The following NSMCE1 variants were observed in gnomAD, a reference collection of about 807,000 sequenced individuals.
NSMCE1 encodes the protein NSE1 component of SMC5/6 complex, also known as non-structural maintenance of chromosomes element 1 homolog.
Under a neutral mutation model 29.6 loss-of-function variants are expected in NSMCE1, and 18 were observed. That is an observed-to-expected ratio of 0.61 (90% CI 0.42 to 0.90). The LOEUF (loss-of-function observed/expected upper bound fraction) is 0.90. Among genes scored for constraint, NSMCE1 ranks in the 40% least tolerant of loss-of-function variants. The pLI, the probability that NSMCE1 is intolerant of heterozygous loss-of-function variation, is 0.00. For synonymous variants in NSMCE1, 124 were observed against 133.4 expected (o/e 0.93, Z 0.49); for missense variants, 314 against 343.6 (o/e 0.91, Z 0.68).
intron 1 of NSMCE1, among the ~76,000 whole-genome samples, chr16:27,261,911 A>G (rs1407425703): frequency 3.3e-5 from 5 of 152,234 alleles, no homozygotes; most frequent in Non-Finnish European, 7.3e-5. Flanking sequence ...AAATCAATCA[A>G]TGTGAGTCAC....
chr16:27,267,504 A>T (rs1179019244), intron 1 of NSMCE1, among the ~76,000 whole-genome samples: 1 of 152,136 alleles, frequency 6.6e-6, no homozygotes, highest in African/African-American at 2.4e-5. Context: ...GTTTTCAAGG[A>T]CACTCTCTAT....
intron 2 of NSMCE1, among the ~76,000 whole-genome samples, chr16:27,256,022 T>C (rs1262581827): frequency 9.2e-5 from 14 of 152,328 alleles, no homozygotes; most frequent in African/African-American, 3.4e-4. Context: ...CACAGCTCAC[T>C]GCAAGGAGCT....
intron 1 of NSMCE1, among the ~76,000 whole-genome samples, chr16:27,267,360 A>G (rs2084237205): frequency 6.6e-6 from 1 of 152,182 alleles, no homozygotes; most frequent in Non-Finnish European, 1.5e-5. Flanking sequence ...ATTTAACCCA[A>G]ACCAGAACAA....
At chr16:27,259,995 G>A (rs1447497327) in intron 1 of NSMCE1, among the ~76,000 whole-genome samples, 1 of 152,140 alleles carries the variant, frequency 6.6e-6, no homozygotes, top group Non-Finnish European at 1.5e-5. Context: ...TGACCAGCAG[G>A]TGCTCCCTAA....
intron 2 of NSMCE1, among the ~76,000 whole-genome samples, chr16:27,251,210 A>AAATATATATATATAT (rs2084032204): frequency 7.6e-6 from 1 of 131,190 alleles, no homozygotes; most frequent in African/African-American, 3.0e-5. Flanking sequence ...ATATATATAA[A>AAATATATATATATAT]ACTCTGTAGA....
Position 27,233,059 on chromosome 16 carries a change from C to G in NSMCE1, c.425G>C (p.Arg142Thr). ...CAGCACCTGCTCCGCTTCCTTCTTC[C>G]TCATCTTCTTGCCTTTAAGTTGATC... Reference protein sequence around the residue: ...LVDQLKGKKMRKKEAEQVLQK... With the variant: ...LVDQLKGKKMTKKEAEQVLQK... Residue 142 changes from arginine (R) to threonine (T), a missense_variant, in exon 5 of 8, where the codon AGG (arginine) becomes ACG (threonine). By Grantham distance (71) the Arg-to-Thr change is moderately conservative. Transcript: ENST00000361439. 3 of 1,614,068 alleles carry G rather than the reference C, an allele frequency of 1.9e-6. No individual in the cohort carries two copies. Among genetic ancestry groups the G allele is most frequent in the Non-Finnish European group, 2.5e-6 (3 of 1,179,976 alleles).
At chr16:27,252,801 C>T (rs1352834964) in intron 2 of NSMCE1, among the ~76,000 whole-genome samples, 2 of 152,164 alleles carry the variant, frequency 1.3e-5, no homozygotes, top group Non-Finnish European at 2.9e-5. Flanking sequence ...CGCCTGTAGT[C>T]CCAGCTACTC....
intron 2 of NSMCE1, among the ~76,000 whole-genome samples, chr16:27,255,288 C>T (rs1052896295): frequency 1.3e-5 from 2 of 152,160 alleles, no homozygotes; most frequent in South Asian, 2.1e-4. Context: ...ACAACTGCGG[C>T]GCATCTACCT....
chr16:27,226,623 G>C, intron 6 of NSMCE1, 97 bp downstream of exon 6: 1 of 775,740 alleles, frequency 1.3e-6, no homozygotes, highest in South Asian at 1.6e-5. Context: ...CAGTGCAGGA[G>C]GGCTGGGCCC....
intron 2 of NSMCE1, among the ~76,000 whole-genome samples, chr16:27,255,867 G>A (rs2084081689): frequency 1.3e-5 from 2 of 152,174 alleles, no homozygotes; most frequent in African/African-American, 4.8e-5. Context: ...TTCACATTTT[G>A]AAAAGTATAA....
chr16:27,226,221 G>A (rs556967730), intron 6 of NSMCE1: 27 of 214,724 alleles, frequency 1.3e-4, no homozygotes, highest in African/African-American at 6.0e-4. Context: ...TCCGCCCAAG[G>A]AAATAATCAC....
chr16:27,232,052 C>T lies in NSMCE1; in HGVS notation c.483+949G>A, dbSNP rs1476464957. ...TTCGGGTCAGGTTCCTGGGACAGGC[C>T]CACCCTAAATAGAAATCAGTAACTC... is the stretch of plus-strand genomic sequence containing the variant. On this transcript the variant is annotated intron_variant, in intron 5 of 7. Transcript: ENST00000361439. This position sits in a 1 kb window ranked among gnomAD's most constrained non-coding sequence, Gnocchi z 4.5. Among the ~76,000 whole-genome samples, 1 of 152,150 alleles carries T rather than the reference C, an allele frequency of 6.6e-6. No homozygotes were observed. Among genetic ancestry groups the T allele is most frequent in the Non-Finnish European group, 1.5e-5 (1 of 68,034 alleles).
intron 2 of NSMCE1, among the ~76,000 whole-genome samples, chr16:27,240,317 G>A (rs150690811): frequency 1.7e-4 from 26 of 152,288 alleles, no homozygotes; most frequent in African/African-American, 5.8e-4. Flanking sequence ...CACCAGAGGT[G>A]GTACCCAAAG....
intron 2 of NSMCE1, among the ~76,000 whole-genome samples, chr16:27,248,375 T>G (rs1440944165): frequency 6.6e-6 from 1 of 151,302 alleles, no homozygotes; most frequent in Admixed American, 6.6e-5. Context: ...TTAATACACA[T>G]GCAGTGGTAG....
intron 2 of NSMCE1, among the ~76,000 whole-genome samples, chr16:27,251,186 ATAT>A (rs2084028489): frequency 7.2e-5 from 7 of 97,178 alleles, no homozygotes; most frequent in East Asian, 2.4e-4. Flanking sequence ...ATATATATAT[ATAT>A]AAATATATAT....
intron 2 of NSMCE1, among the ~76,000 whole-genome samples, chr16:27,252,067 G>A (rs142932432): frequency 5.9e-5 from 9 of 152,240 alleles, no homozygotes; most frequent in East Asian, 5.8e-4. Flanking sequence ...TCCCACTATC[G>A]CTTGTGGCAG....
chr16:27,256,892 A>G (rs1196261089), intron 2 of NSMCE1, among the ~76,000 whole-genome samples: 1 of 152,054 alleles, frequency 6.6e-6, no homozygotes, highest in Non-Finnish European at 1.5e-5. Context: ...TTTTTTTCAA[A>G]TAAAAAAATA....
At position 27,234,277 on chromosome 16, in the gene NSMCE1, G is replaced by C. The variant is rs1445824094; in HGVS notation, c.259-12C>G. The C allele has an allele frequency of 6.3e-6, 10 of 1,592,928 alleles. No individual in the cohort carries two copies. Among genetic ancestry groups the C allele is most frequent in the African/African-American group, 1.3e-5 (1 of 74,662 alleles). The stretch of plus-strand genomic sequence containing the variant: ...GTAGCAAGATTCACCTAAGAAATAA[G>C]TCAGCACGACAGTCAGGCTGTGCTC... On this transcript the variant is annotated splice_polypyrimidine_tract_variant and intron_variant, in intron 3 of 7. Coordinates refer to ENST00000361439, the MANE Select transcript of NSMCE1 (RefSeq NM_145080.4).
chr16:27,249,444 A>C (rs2083998269), intron 2 of NSMCE1, among the ~76,000 whole-genome samples: 1 of 152,214 alleles, frequency 6.6e-6, no homozygotes, highest in African/African-American at 2.4e-5. Context: ...TTTTGAGATA[A>C]TTTTTGTATT....
Sources: gnomAD v4.1 joint callset for allele counts (sites outside exome capture counted in the v4.1 genomes callset) on GRCh38, gnomAD v4.1.1 for gene constraint, Gnocchi (gnomAD v3.1) non-coding constraint, MANE v1.5 for transcripts, NCBI Gene and HGNC (gene_info 2026-07-23, HGNC 2026-07-21) for gene names.